GHRL: variants seen among roughly 807,000 people sequenced by gnomAD.
GHRL encodes ghrelin and obestatin prepropeptide, also known as appetite-regulating hormone.
A neutral mutation model predicts 16.9 loss-of-function variants in GHRL; 24 were observed. That is an observed-to-expected ratio of 1.42 (90% CI 1.03 to 2.00). The LOEUF (loss-of-function observed/expected upper bound fraction) is 2.00, where lower values mean the gene tolerates loss of function less well. GHRL is among the 30% of genes most tolerant of loss of function. GHRL has a pLI of 0.00. For synonymous variants in GHRL, 63 were observed against 58.2 expected (o/e 1.08, Z -0.37); for missense variants, 193 against 142.1 (o/e 1.36, Z -1.82).
intron 3 of GHRL, 50 bp downstream of exon 3, chr3:10,290,023 C>CT (rs1299680281): frequency 1.2e-6 from 2 of 1,602,242 alleles, no homozygotes; most frequent in Non-Finnish European, 1.7e-6. Context: ...GAGCTGGTTG[C>CT]TAAGTGGCAG....
intron 4 of GHRL, among the ~76,000 whole-genome samples, chr3:10,287,697 C>T (rs1257608421): frequency 1.3e-5 from 2 of 152,146 alleles, no homozygotes; most frequent in Non-Finnish European, 2.9e-5. Flanking sequence ...ACCCACTTGG[C>T]CCTGAAAACT....
intron 1 of GHRL, 144 bp downstream of exon 1, chr3:10,292,698 G>C (rs1300098061): frequency 6.5e-6 from 4 of 613,676 alleles, no homozygotes; most frequent in African/African-American, 1.9e-5. Context: ...GCTGAATGTG[G>C]AGAGGGTGGA....
At position 10,291,417 on chromosome 3, in the gene GHRL, G is replaced by C; in HGVS notation, c.-731C>G. Reference sequence around the variant, plus strand: ...TCCAGCAGCTTTGGTCCCTATTTTAGCGGATGCCTCTTCTGAGAGGGAAGT... The same window carrying C: ...TCCAGCAGCTTTGGTCCCTATTTTACCGGATGCCTCTTCTGAGAGGGAAGT... On this transcript the variant is annotated 5_prime_UTR_variant, in exon 2 of 6. Coordinates refer to ENST00000335542, the MANE Select transcript of GHRL (RefSeq NM_016362.5). The C allele has an allele frequency of 1.0e-6, 1 of 985,526 alleles. No individual in the cohort carries two copies. Among genetic ancestry groups the C allele is most frequent in the Non-Finnish European group, 1.2e-6 (1 of 830,008 alleles). 61.0% of individuals were successfully genotyped at this position (985,526 alleles called of 1,614,324 possible).
chr3:10,286,257 C>G (rs1178009044), intron 5 of GHRL, among the ~76,000 whole-genome samples: 1 of 152,006 alleles, frequency 6.6e-6, no homozygotes, highest in Non-Finnish European at 1.5e-5. Flanking sequence ...CAAAGCAAAC[C>G]CTTTGCTTAA....
At chr3:10,288,424 C>T (rs1014644079) in intron 4 of GHRL, among the ~76,000 whole-genome samples, 3 of 152,156 alleles carry the variant, frequency 2.0e-5, no homozygotes, top group Admixed American at 2.0e-4. Flanking sequence ...GGCTAGCTTT[C>T]ACAGAAACTG....
Position 10,285,715 on chromosome 3 carries a change from C to A in GHRL, c.*160G>T. The A allele has an allele frequency of 3.4e-6, 2 of 583,220 alleles. No individual in the cohort carries two copies. The highest frequency in any genetic ancestry group is 2.8e-5 in the East Asian group (1 of 35,520). The allele number at this position is 583,220 out of a possible 1,614,324, so 36.1% of individuals were successfully genotyped here. A position where few individuals can be genotyped will look rare whatever the true frequency, so the allele number is the denominator to read the frequency against. On this transcript the variant is annotated 3_prime_UTR_variant, in exon 6 of 6. Coordinates refer to ENST00000335542, the MANE Select transcript of GHRL (RefSeq NM_016362.5). ...TTTTAAAGTAAAATATTAACTTTTC[C>A]TCTTTGAAATAAATTCCCATTTGGA... is the stretch of plus-strand genomic sequence containing the variant.
chr3:10,289,949 C>G, intron 3 of GHRL, 71 bp from the exon 4 acceptor site: 1 of 1,492,594 alleles, frequency 6.7e-7, no homozygotes, highest in South Asian at 1.2e-5. Context: ...AGGTCAGACC[C>G]AGAGTCCTTT....
chr3:10,291,234 T>A lies in GHRL; in HGVS notation c.-548A>T, dbSNP rs895718160. 1.0e-5 allele frequency: 10 copies of A among 985,100 alleles called. No individual in the cohort carries two copies. In the South Asian group the frequency reaches 2.8e-4, roughly 28 times the overall value. 61.0% of individuals were successfully genotyped at this position (985,100 alleles called of 1,614,324 possible). A position where few individuals can be genotyped will look rare whatever the true frequency, so the allele number is the denominator to read the frequency against. On this transcript the variant is annotated 5_prime_UTR_variant, in exon 2 of 6. Coordinates refer to ENST00000335542, the MANE Select transcript of GHRL (RefSeq NM_016362.5). The stretch of plus-strand genomic sequence containing the variant: ...GATTCTACACCTTCCCGAGGAGGAG[T>A]CCCACCTCCCGGTTGAGCAGACTGC...
chr3:10,286,682 A>G, intron 5 of GHRL, 22 bp downstream of exon 5: 1 of 1,341,488 alleles, frequency 7.5e-7, no homozygotes, highest in Non-Finnish European at 1.1e-6. Context: ...AACCGAGCAA[A>G]CCCAGTCCAG....
In GHRL at chr3:10,292,934, A is replaced by C; in HGVS notation, c.-858T>G. On this transcript the variant is annotated 5_prime_UTR_variant, in exon 1 of 6. Transcript: ENST00000335542. ...AACATCCACTGTGCAAAGCTGTGTT[A>C]TCTTTGGGGAACTGAAATGTCCCCT... 6.6e-7 allele frequency: 1 copy of C among 1,503,772 alleles called. No homozygotes were observed. The highest frequency in any genetic ancestry group is 9.0e-7 in the Non-Finnish European group (1 of 1,113,562). The allele number at this position is 1,503,772 out of a possible 1,614,324, so 93.2% of individuals were successfully genotyped here.
At chr3:10,290,310 C>CT in intron 2 of GHRL, 101 bp from the exon 3 acceptor site, 1 of 1,174,360 alleles carries the variant, frequency 8.5e-7, no homozygotes, top group South Asian at 1.5e-5. Flanking sequence ...GCTTTACCAT[C>CT]TGGGGTCCTG....
chr3:10,290,893 T>C lies in GHRL; in HGVS notation c.-207A>G. The C allele has an allele frequency of 1.0e-6, 1 of 985,362 alleles. No individual in the cohort carries two copies. The highest frequency in any genetic ancestry group is 4.7e-5 in the South Asian group (1 of 21,280). 61.0% of individuals were successfully genotyped at this position (985,362 alleles called of 1,614,324 possible). A position where few individuals can be genotyped will look rare whatever the true frequency, so the allele number is the denominator to read the frequency against. The stretch of plus-strand genomic sequence containing the variant: ...TCTGGGTAGAAGTCAACAGTGGAGG[T>C]CAGATGCCCTGCGGAATTGCTGGGT... On this transcript the variant is annotated 5_prime_UTR_variant, in exon 2 of 6. Coordinates refer to ENST00000335542, the MANE Select transcript of GHRL (RefSeq NM_016362.5).
chr3:10,286,728 C>A lies in GHRL; in HGVS notation c.310G>T (p.Asp104Tyr). ...HSQALGKFLQ[D>Y]ILWEEAKEAP... is the part of the protein sequence containing the mutation. ...CCTTTGGCCTCTTCCCAGAGGATGT[C>A]CTGAAGAAACTTCCCCAGGGCCTGG... The change falls in exon 5 of 6, where the codon GAC becomes TAC. Residue 104 changes from aspartate (D) to tyrosine (Y), a missense_variant. By Grantham distance (160) the Asp-to-Tyr change is radical. Transcript: ENST00000335542. 6.2e-7 allele frequency: 1 copy of A among 1,608,132 alleles called. No individual in the cohort carries two copies. Among genetic ancestry groups the A allele is most frequent in the South Asian group, 1.1e-5 (1 of 90,946 alleles).
chr3:10,292,676 G>GT, intron 1 of GHRL, 166 bp downstream of exon 1: 1 of 579,828 alleles, frequency 1.7e-6, no homozygotes, highest in South Asian at 2.2e-5. Flanking sequence ...TTTGGCCCTG[G>GT]AGCCCAGAGA....
In GHRL at chr3:10,290,110, C is replaced by G. The variant is rs149396238; in HGVS notation, c.71G>C (p.Gly24Ala). ...GMLWLDLAMA[G>A]SSFLSPEHQR... ...GTGTTCAGGGCTCAGGAAGCTGGAG[C>G]CTGCCATGGCCAAGTCCAGCCAGAG... The change falls in exon 3 of 6, where the codon GGC (glycine) becomes GCC (alanine). Residue 24 changes from glycine to alanine, a missense_variant. Physicochemically the swap from Gly to Ala is moderately conservative, Grantham distance 60 (BLOSUM62 0). Transcript: ENST00000335542. 69 of 1,613,008 alleles carry G rather than the reference C, an allele frequency of 4.3e-5. No homozygotes were observed. In the African/African-American group the frequency reaches 5.6e-4, roughly 13 times the overall value.
intron 4 of GHRL, 23 bp downstream of exon 4, chr3:10,289,739 C>T (rs1385356761): frequency 1.4e-6 from 2 of 1,417,884 alleles, no homozygotes; most frequent in Admixed American, 1.7e-5. Context: ...GCCACAGAAG[C>T]ATAAAACTGC....
At chr3:10,289,460 C>T (rs1286439542) in intron 4 of GHRL, among the ~76,000 whole-genome samples, 2 of 152,270 alleles carry the variant, frequency 1.3e-5, no homozygotes, top group Non-Finnish European at 2.9e-5. Flanking sequence ...GTCTTTGTCT[C>T]TGGGCACTGT....
intron 4 of GHRL, chr3:10,287,538 A>G (rs143848705): frequency 2.6e-5 from 4 of 153,728 alleles, no homozygotes; most frequent in Admixed American, 6.5e-5. Context: ...GAGAGCAGAG[A>G]TTGTCTCTGC....
At chr3:10,290,012 A>T (rs1011165478) in intron 3 of GHRL, 61 bp downstream of exon 3, 2 of 1,584,268 alleles carry the variant, frequency 1.3e-6, no homozygotes, top group Non-Finnish European at 1.7e-6. Context: ...TCCAGGTCAC[A>T]GAGCTGGTTG....
Sources: allele counts gnomAD v4.1 joint callset (sites outside exome capture counted in the v4.1 genomes callset), GRCh38; gene constraint gnomAD v4.1.1; transcripts MANE v1.5; gene names NCBI Gene and HGNC (gene_info 2026-07-23, HGNC 2026-07-21).